The following NMNAT3 variants were observed in gnomAD, a reference collection of about 807,000 sequenced individuals.
NMNAT3 encodes the protein nicotinamide nucleotide adenylyltransferase 3.
NMNAT3 carries 21 observed loss-of-function variants against 24.8 expected under a neutral mutation model. The ratio of observed to expected loss-of-function variants is 0.85; its 90% CI spans 0.60 to 1.22. The LOEUF is 1.22. Ranked by LOEUF, NMNAT3 falls within the 50% of genes most tolerant of loss-of-function variation. The pLI, the probability that NMNAT3 is intolerant of heterozygous loss-of-function variation, is 0.00. For missense variants in NMNAT3, 387 were observed against 436.6 expected (o/e 0.89, Z 1.01); for synonymous variants, 136 against 155.2 (o/e 0.88, Z 0.92).
chr3:139,572,614 G>A (rs930583859), intron 6 of NMNAT3, among the ~76,000 whole-genome samples: 1 of 152,180 alleles, frequency 6.6e-6, no homozygotes, highest in Non-Finnish European at 1.5e-5. Context: ...ACTGTTGCAT[G>A]GCACCTTTAG....
rs931361937 is a variant in NMNAT3, at chr3:139,561,150, G to T, written c.901C>A (p.Arg301=). ...ACGCTCTGCCCTTGGCCCAAGGCTC[G>T]CCTGATGTATGTGGCACTGATCTCA... is the stretch of plus-strand genomic sequence containing the variant. Residue 301 remains arginine, a synonymous_variant, in exon 7 of 7, where the codon CGA becomes AGA. Coordinates refer to ENST00000643695, the MANE Select transcript of NMNAT3 (RefSeq NM_001320510.2). 6.2e-7 allele frequency: 1 copy of T among 1,614,144 alleles called. No homozygotes were observed. The highest frequency in any genetic ancestry group is 1.1e-5 in the South Asian group (1 of 91,082).
chr3:139,638,099 GC>G (rs1173070946), intron 1 of NMNAT3, 37 bp from the exon 2 acceptor site: 3 of 152,180 alleles, frequency 2.0e-5, no homozygotes, highest in Non-Finnish European at 4.4e-5. Context: ...AAACAGCAGA[GC>G]CCCAGGTTTG....
intron 3 of NMNAT3, chr3:139,583,358 AC>A: frequency 8.0e-6 from 12 of 1,507,358 alleles, no homozygotes; most frequent in Non-Finnish European, 9.2e-6. Flanking sequence ...TTCAATAGGT[AC>A]ATTTTCAACT....
intron 3 of NMNAT3, 137 bp downstream of exon 4, chr3:139,627,479 A>G: frequency 3.5e-6 from 2 of 571,832 alleles, no homozygotes; most frequent in Non-Finnish European, 6.2e-6. Context: ...CCCTTTGAAT[A>G]TGATGAAAAA....
chr3:139,591,566 C>T (rs2054181424), intron 3 of NMNAT3, among the ~76,000 whole-genome samples: 1 of 152,138 alleles, frequency 6.6e-6, no homozygotes, highest in Non-Finnish European at 1.5e-5. Context: ...CTTAAATGTC[C>T]CTGTCTGACA....
intron 4 of NMNAT3, among the ~76,000 whole-genome samples, chr3:139,582,752 A>G (rs2053720226): frequency 1.3e-5 from 2 of 151,256 alleles, no homozygotes; most frequent in African/African-American, 4.8e-5. Context: ...AATATATATA[A>G]TATATAAATA....
intron 3 of NMNAT3, among the ~76,000 whole-genome samples, chr3:139,616,851 T>A (rs552831632): frequency 6.4e-4 from 98 of 152,246 alleles, no homozygotes; most frequent in African/African-American, 2.3e-3. Context: ...AAAAGCACAT[T>A]TTTCACAAAT....
intron 6 of NMNAT3, 22 bp from the exon 7 acceptor site, chr3:139,561,414 C>T (rs1290969817): frequency 1.9e-6 from 3 of 1,600,702 alleles, no homozygotes. Context: ...AGGATGGACC[C>T]AGTAAAGTTA....
intron 1 of NMNAT3, among the ~76,000 whole-genome samples, chr3:139,643,111 G>T (rs1247811480): frequency 6.6e-6 from 1 of 152,176 alleles, no homozygotes; most frequent in Admixed American, 6.5e-5. Context: ...AGAAGCACAT[G>T]AAAAGATTCT....
Position 139,671,977 on chromosome 3 carries a change from G to A in NMNAT3, c.-141+5728C>T, listed in dbSNP as rs184725780. 5.9e-3 allele frequency among the ~76,000 whole-genome samples: 905 copies of A among 152,264 alleles called. 6 individuals carry two copies. Among genetic ancestry groups the A allele is most frequent in the African/African-American group, 0.021 (852 of 41,540 alleles). ...ACTTATTGAGCCCAAATTCGGGTTGGTTTGCATCACATGTTTTCATCATTC... is the reference window on the plus strand; with the variant it reads ...ACTTATTGAGCCCAAATTCGGGTTGATTTGCATCACATGTTTTCATCATTC... On this transcript the variant is annotated intron_variant, in intron 1 of 6. Transcript: ENST00000643695.
At chr3:139,666,456 A>C (rs2108442793) in intron 1 of NMNAT3, among the ~76,000 whole-genome samples, 1 of 152,314 alleles carries the variant, frequency 6.6e-6, no homozygotes, top group Admixed American at 6.5e-5. Context: ...CCTTTTAAAA[A>C]TTATTTTGTT....
At chr3:139,607,652 T>C (rs920764150) in intron 3 of NMNAT3, among the ~76,000 whole-genome samples, 2 of 29,894 alleles carry the variant, frequency 6.7e-5, no homozygotes, top group Admixed American at 1.4e-3. Flanking sequence ...TTGGCTTTCA[T>C]TGTATATTTA....
At chr3:139,622,090 T>C (rs2055802519) in intron 3 of NMNAT3, among the ~76,000 whole-genome samples, 1 of 152,194 alleles carries the variant, frequency 6.6e-6, no homozygotes, top group Admixed American at 6.5e-5. Context: ...TTCCTTTGGG[T>C]AGATACCTTG....
chr3:139,607,311 T>C (rs1452827382), intron 3 of NMNAT3, among the ~76,000 whole-genome samples: 1 of 152,158 alleles, frequency 6.6e-6, no homozygotes, highest in Non-Finnish European at 1.5e-5. Flanking sequence ...TATTTTAGCC[T>C]CCACTCCTTT....
chr3:139,576,494 T>C (rs1268175580), intron 5 of NMNAT3, among the ~76,000 whole-genome samples: 1 of 150,498 alleles, frequency 6.6e-6, no homozygotes, highest in Non-Finnish European at 1.5e-5. Flanking sequence ...TGGGAGGAGG[T>C]GAGCATTTAA....
intron 1 of NMNAT3, among the ~76,000 whole-genome samples, chr3:139,664,584 C>A (rs530374246): frequency 2.6e-5 from 4 of 152,214 alleles, no homozygotes; most frequent in Non-Finnish European, 5.9e-5. Flanking sequence ...AGCTGAAAGA[C>A]GGAGAAGGTG....
intron 3 of NMNAT3, among the ~76,000 whole-genome samples, chr3:139,626,848 T>C (rs142165408): frequency 1.3e-5 from 2 of 152,280 alleles, no homozygotes; most frequent in Non-Finnish European, 2.9e-5. Flanking sequence ...TAGGGATGGA[T>C]TCTGGTATAA....
chr3:139,581,378 T>G (rs7621116), intron 4 of NMNAT3, among the ~76,000 whole-genome samples: 12,111 of 152,026 alleles, frequency 0.08, 1,074 homozygotes, highest in East Asian at 0.37. Flanking sequence ...TCTTTTTTTT[T>G]TTTTTACACA....
intron 1 of NMNAT3, among the ~76,000 whole-genome samples, chr3:139,663,819 T>C (rs901114050): frequency 1.3e-5 from 2 of 152,246 alleles, no homozygotes; most frequent in African/African-American, 4.8e-5. Flanking sequence ...AGACTTATGG[T>C]CACAGCACAG....
Sources: allele counts gnomAD v4.1 joint callset (sites outside exome capture counted in the v4.1 genomes callset), GRCh38; gene constraint gnomAD v4.1.1; transcripts MANE v1.5; gene names NCBI Gene and HGNC (gene_info 2026-07-23, HGNC 2026-07-21).